Variants in ITGA9 observed in about 807,000 individuals in gnomAD.
ITGA9 encodes integrin subunit alpha 9, also known as integrin alpha-9.
Under a neutral mutation model 127.8 loss-of-function variants are expected in ITGA9, and 56 were observed. The observed-to-expected ratio is 0.44, with a 90% confidence interval of 0.35 to 0.55. The LOEUF (loss-of-function observed/expected upper bound fraction) is 0.55. Among genes scored for constraint, ITGA9 ranks in the 20% least tolerant of loss-of-function variants. The pLI is 0.00. For missense variants in ITGA9, 1,196 were observed against 1,347.1 expected, an observed-to-expected ratio of 0.89 and a Z score of 1.76; for synonymous variants, 508 against 514.5, an observed-to-expected ratio of 0.99 and a Z score of 0.17.
intron 15 of ITGA9, among the ~76,000 whole-genome samples, chr3:37,616,022 G>C (rs562864306): frequency 3.2e-4 from 48 of 152,186 alleles, no homozygotes; most frequent in Middle Eastern, 3.4e-3. Flanking sequence ...GAATGTGTTT[G>C]CTCTTGCTTC....
At chr3:37,519,530 G>A (rs932848831) in intron 11 of ITGA9, among the ~76,000 whole-genome samples, 176 bp downstream of exon 11, 2 of 152,176 alleles carry the variant, frequency 1.3e-5, no homozygotes, top group African/African-American at 4.8e-5. Context: ...ACTAAAAAAA[G>A]CATTCTTAGA....
chr3:37,815,863 C>T (rs909589757), intron 27 of ITGA9, among the ~76,000 whole-genome samples: 4 of 152,074 alleles, frequency 2.6e-5, no homozygotes, highest in African/African-American at 4.8e-5. Context: ...TTGAGCTCAG[C>T]GAGACTTACA....
At chr3:37,754,802 T>C (rs947516541) in intron 23 of ITGA9, among the ~76,000 whole-genome samples, 17 of 152,156 alleles carry the variant, frequency 1.1e-4, no homozygotes, top group African/African-American at 4.1e-4. Flanking sequence ...GGCCTACCCA[T>C]GATGTACGAT....
At chr3:37,697,263 T>C (rs537996541) in intron 18 of ITGA9, among the ~76,000 whole-genome samples, 1 of 151,990 alleles carries the variant, frequency 6.6e-6, no homozygotes, top group Non-Finnish European at 1.5e-5. Flanking sequence ...CAGTCTTCTT[T>C]CTGGACCCGT....
At chr3:37,738,475 C>G (rs1696393020) in intron 20 of ITGA9, among the ~76,000 whole-genome samples, 1 of 152,174 alleles carries the variant, frequency 6.6e-6, no homozygotes, top group Non-Finnish European at 1.5e-5. Context: ...AGCCTGGGCG[C>G]TAAACCATGG....
chr3:37,519,817 T>C (rs1699026522), intron 11 of ITGA9, among the ~76,000 whole-genome samples: 1 of 152,244 alleles, frequency 6.6e-6, no homozygotes, highest in Non-Finnish European at 1.5e-5. Flanking sequence ...GCTTGCGCCC[T>C]ATACTTGGGA....
chr3:37,491,014 T>C (rs1319932305), intron 4 of ITGA9, among the ~76,000 whole-genome samples: 2 of 142,722 alleles, frequency 1.4e-5, no homozygotes, highest in Non-Finnish European at 3.1e-5. Flanking sequence ...TCTGGCTCTG[T>C]TGCCCAGGCT....
At chr3:37,725,743 C>G (rs1040784211) in intron 18 of ITGA9, among the ~76,000 whole-genome samples, 1 of 152,206 alleles carries the variant, frequency 6.6e-6, no homozygotes, top group Non-Finnish European at 1.5e-5. Context: ...GTACTCCATC[C>G]TACACGCATC....
chr3:37,626,623 G>T (rs1439413665), intron 15 of ITGA9, among the ~76,000 whole-genome samples: 1 of 152,222 alleles, frequency 6.6e-6, no homozygotes, highest in Non-Finnish European at 1.5e-5. Flanking sequence ...GTTCAAGGCT[G>T]CAGTGAGCTA....
At chr3:37,772,407 C>CA (rs1232057865) in intron 23 of ITGA9, among the ~76,000 whole-genome samples, 278 of 143,026 alleles carry the variant, frequency 1.9e-3, no homozygotes, top group African/African-American at 4.7e-3. Context: ...GACTCCATCT[C>CA]AAAAAAAAAA....
intron 14 of ITGA9, among the ~76,000 whole-genome samples, chr3:37,538,357 G>C (rs1162201975): frequency 6.6e-6 from 1 of 152,232 alleles, no homozygotes; most frequent in Non-Finnish European, 1.5e-5. Flanking sequence ...GGAAGCAGCC[G>C]GGGGCAGGGC....
At chr3:37,762,897 C>G (rs1420241563) in intron 23 of ITGA9, among the ~76,000 whole-genome samples, 1 of 152,208 alleles carries the variant, frequency 6.6e-6, no homozygotes, top group African/African-American at 2.4e-5. Flanking sequence ...TCAGCAAGAT[C>G]CCCAGGGATT....
rs200306372 is a variant in ITGA9, at chr3:37,469,349, A to AT, written c.186-1650dup. Among the ~76,000 whole-genome samples the AT allele has an allele frequency of 5.8e-4, 88 of 151,912 alleles. 2 individuals are homozygous for AT. In the East Asian group the frequency reaches 0.016, roughly 27 times the overall value. ...CGGTTTATAATTCCGCACTGCTGCT[A>AT]TTTTTTTTCCTATTTGCCCCTAAAT... On this transcript the variant is annotated intron_variant, in intron 1 of 27. Coordinates refer to ENST00000264741, the MANE Select transcript of ITGA9 (RefSeq NM_002207.3).
chr3:37,765,066 T>C (rs1355013773), intron 23 of ITGA9, among the ~76,000 whole-genome samples: 1 of 152,220 alleles, frequency 6.6e-6, no homozygotes, highest in Non-Finnish European at 1.5e-5. Context: ...TCTGTGTATT[T>C]GCAGCATTTG....
intron 26 of ITGA9, chr3:37,790,456 G>A (rs904804956): frequency 7.7e-6 from 3 of 389,924 alleles, no homozygotes; most frequent in Non-Finnish European, 1.5e-5. Context: ...CTCATAACAT[G>A]ATGCCCTCAG....
intron 18 of ITGA9, among the ~76,000 whole-genome samples, chr3:37,712,114 A>T (rs1048650275): frequency 6.6e-6 from 1 of 152,018 alleles, no homozygotes; most frequent in African/African-American, 2.4e-5. Flanking sequence ...GGGGAGGAAC[A>T]TACCTCCTAT....
chr3:37,783,225 C>T (rs1177941865), intron 25 of ITGA9, among the ~76,000 whole-genome samples: 8 of 152,120 alleles, frequency 5.3e-5, no homozygotes, highest in South Asian at 4.1e-4. Context: ...ATTCTACAAC[C>T]GTGGGGGCCC....
At chr3:37,570,025 C>G (rs982775515) in intron 15 of ITGA9, among the ~76,000 whole-genome samples, 22 of 152,268 alleles carry the variant, frequency 1.4e-4, no homozygotes, top group African/African-American at 4.8e-4. Flanking sequence ...TTTAAACTAT[C>G]TGAAGATCAC....
intron 1 of ITGA9, among the ~76,000 whole-genome samples, chr3:37,466,663 T>A (rs1698376258): frequency 6.6e-6 from 1 of 152,118 alleles, no homozygotes; most frequent in African/African-American, 2.4e-5. Flanking sequence ...AAACTATCAA[T>A]CACCTGGAGA....
Sources: allele counts gnomAD v4.1 joint callset (sites outside exome capture counted in the v4.1 genomes callset), GRCh38; gene constraint gnomAD v4.1.1; transcripts MANE v1.5; gene names NCBI Gene and HGNC (gene_info 2026-07-23, HGNC 2026-07-21).